The following RYR2 variants were observed in gnomAD, a reference collection of about 807,000 sequenced individuals.
The protein encoded by RYR2 is ryanodine receptor 2.
RYR2 carries 227 observed loss-of-function variants against 601.1 expected under a neutral mutation model. The ratio of observed to expected loss-of-function variants is 0.38; its 90% confidence interval spans 0.34 to 0.42. The LOEUF (loss-of-function observed/expected upper bound fraction) is 0.42. Among genes scored for constraint, RYR2 ranks in the 10% least tolerant of loss-of-function variants. RYR2 has a pLI of 1.00. For missense variants in RYR2, 4,646 were observed against 6,156.5 expected, an observed-to-expected ratio of 0.75 and a Z score of 8.21; for synonymous variants, 2,223 against 2,175.1, an observed-to-expected ratio of 1.02 and a Z score of -0.61.
chr1:237,688,473 G>A (rs1481617729), intron 63 of RYR2, among the ~76,000 whole-genome samples: 4 of 151,870 alleles, frequency 2.6e-5, no homozygotes, highest in African/African-American at 7.3e-5. Context: ...TACACTTTTT[G>A]AGAAATAATA....
intron 29 of RYR2, among the ~76,000 whole-genome samples, chr1:237,587,748 A>G (rs532564918): frequency 6.6e-6 from 1 of 152,360 alleles, no homozygotes; most frequent in Non-Finnish European, 1.5e-5. Context: ...ATTTTAAATG[A>G]AAGTATTTCA....
intron 97 of RYR2, among the ~76,000 whole-genome samples, chr1:237,801,054 C>T (rs1284929887): frequency 1.4e-5 from 2 of 144,188 alleles, no homozygotes; most frequent in East Asian, 2.2e-4. Flanking sequence ...AAAAACAAAA[C>T]AATTTAAAAG....
rs1664560589 is a variant in RYR2 at position 237,500,863 on chromosome 1, G to A, written c.2356G>A (p.Gly786Ser). 1 of 1,613,870 alleles carries A rather than the reference G, an allele frequency of 6.2e-7. No homozygotes were observed. Among genetic ancestry groups the A allele is most frequent in the Non-Finnish European group, 8.5e-7 (1 of 1,179,896 alleles). Reference sequence around the variant, plus strand: ...AATGTTTGAGAATTTCAACATCGATGGCCTCTTCTTTCCAGTCGTTAGTTT... The same window carrying A: ...AATGTTTGAGAATTTCAACATCGATAGCCTCTTCTTTCCAGTCGTTAGTTT... Reference protein sequence around the residue: ...QGMFENFNIDGLFFPVVSFSA... With the variant: ...QGMFENFNIDSLFFPVVSFSA... The change falls in exon 21 of 105, where the codon GGC becomes AGC. Residue 786 changes from glycine (G) to serine (S), a missense_variant. Physicochemically the swap from Gly to Ser is moderately conservative, Grantham distance 56. Transcript: ENST00000366574.
chr1:237,445,394 C>T lies in RYR2; in HGVS notation c.1171-7C>T, dbSNP rs1354620255. 6.2e-7 allele frequency: 1 copy of T among 1,612,014 alleles called. No individual in the cohort carries two copies. The highest frequency in any genetic ancestry group is 1.1e-5 in the South Asian group (1 of 90,654). ...GGAGTAATGGCCTTATTTTTGCTTT[C>T]TTACAGGCTATTATGCATCATGAAG... is the stretch of plus-strand genomic sequence containing the variant. On this transcript the variant is annotated splice_polypyrimidine_tract_variant and splice_region_variant and intron_variant, in intron 13 of 104. Transcript: ENST00000366574.
chr1:237,196,710 C>G (rs550298149), intron 1 of RYR2, among the ~76,000 whole-genome samples: 1 of 152,234 alleles, frequency 6.6e-6, no homozygotes, highest in South Asian at 2.1e-4. Context: ...GAGAAGTACT[C>G]TACCTTGCTT....
intron 27 of RYR2, among the ~76,000 whole-genome samples, chr1:237,564,726 T>C (rs1671795119): frequency 6.6e-6 from 1 of 152,232 alleles, no homozygotes; most frequent in Non-Finnish European, 1.5e-5. Flanking sequence ...TAGAAATGTT[T>C]CTCTGATTCA....
chr1:237,613,113 G>A (rs1410487511), intron 36 of RYR2, among the ~76,000 whole-genome samples: 1 of 152,142 alleles, frequency 6.6e-6, no homozygotes, highest in Non-Finnish European at 1.5e-5. Context: ...TTCCAAAAAA[G>A]GAAGTCTTAA....
At position 237,602,087 on chromosome 1, in the gene RYR2, C is replaced by T. The variant is rs767900430; in HGVS notation, c.4659C>T (p.Phe1553=). The T allele has an allele frequency of 1.2e-6, 2 of 1,612,740 alleles. No individual in the cohort carries two copies. Among genetic ancestry groups the T allele is most frequent in the Non-Finnish European group, 1.7e-6 (2 of 1,179,300 alleles). ...CACAAGCTACAAGTCCCAATGTTTT[C>T]CAGTTTGAGTTGGGAAGAATAAAGG... The part of the protein sequence containing the change: ...VFAQATSPNV[F]QFELGRIKNV... Residue 1553 remains phenylalanine (F), a synonymous_variant, in exon 35 of 105, where the codon TTC becomes TTT. Transcript: ENST00000366574.
At chr1:237,243,576 T>C (rs189867390) in intron 1 of RYR2, among the ~76,000 whole-genome samples, 1 of 152,248 alleles carries the variant, frequency 6.6e-6, no homozygotes, top group Admixed American at 6.5e-5. Context: ...CCAGGACTCT[T>C]GGGTTTTTAT....
chr1:237,048,061 G>A (rs780272665), intron 1 of RYR2, among the ~76,000 whole-genome samples: 2 of 152,032 alleles, frequency 1.3e-5, no homozygotes, highest in African/African-American at 4.8e-5. Context: ...CTTGCCTCTC[G>A]GACCCCAGAA....
At chr1:237,644,869 TAA>T (rs1185633698) in intron 48 of RYR2, among the ~76,000 whole-genome samples, 1 of 151,850 alleles carries the variant, frequency 6.6e-6, no homozygotes, top group Non-Finnish European at 1.5e-5. Flanking sequence ...CCATCTCTAC[TAA>T]AAATACAAAA....
At chr1:237,269,971 A>G (rs1045718240) in intron 1 of RYR2, among the ~76,000 whole-genome samples, 1 of 152,164 alleles carries the variant, frequency 6.6e-6, no homozygotes, top group Non-Finnish European at 1.5e-5. Context: ...TTCTGATATG[A>G]TCAAGCAACT....
chr1:237,723,984 TTATC>T (rs972830592), intron 74 of RYR2, among the ~76,000 whole-genome samples: 6 of 151,818 alleles, frequency 4.0e-5, no homozygotes, highest in African/African-American at 1.5e-4. Context: ...CAGAGATATA[TTATC>T]TATTTCTCAT....
intron 3 of RYR2, among the ~76,000 whole-genome samples, chr1:237,353,865 T>C (rs1242356359): frequency 6.6e-6 from 1 of 152,190 alleles, no homozygotes. Context: ...TCTTATATGT[T>C]TTATGGGTTT....
At chr1:237,117,671 CCTTCTCTTCTCTTCTCTTCTCTTCT>C (rs60631152) in intron 1 of RYR2, among the ~76,000 whole-genome samples, 4,066 of 64,492 alleles carry the variant, frequency 0.063, 129 homozygotes, top group East Asian at 0.092. Context: ...CTCTTCTCTT[CCTTCTCTTCTCTTCTCTTCTCTTCT>C]CTTCTCTTCT....
At chr1:237,579,974 T>C (rs1673710506) in intron 29 of RYR2, among the ~76,000 whole-genome samples, 1 of 151,548 alleles carries the variant, frequency 6.6e-6, no homozygotes. Flanking sequence ...ATATCTGATT[T>C]ACCCAGCATA....
At chr1:237,605,332 T>A (rs1676997188) in intron 35 of RYR2, among the ~76,000 whole-genome samples, 1 of 152,172 alleles carries the variant, frequency 6.6e-6, no homozygotes, top group African/African-American at 2.4e-5. Context: ...CACATGATTA[T>A]CTCAACAGAT....
intron 2 of RYR2, among the ~76,000 whole-genome samples, chr1:237,320,738 C>T (rs1695548866): frequency 1.3e-5 from 2 of 152,162 alleles, no homozygotes; most frequent in Admixed American, 1.3e-4. Context: ...AAAGGAAAGC[C>T]CTCTGTATTT....
chr1:237,232,099 C>A (rs894543775), intron 1 of RYR2, among the ~76,000 whole-genome samples: 1 of 152,178 alleles, frequency 6.6e-6, no homozygotes, highest in Non-Finnish European at 1.5e-5. Context: ...TGTTCAATCT[C>A]TTTTTCTGGT....
Sources: gnomAD v4.1 joint callset for allele counts (sites outside exome capture counted in the v4.1 genomes callset) on GRCh38, gnomAD v4.1.1 for gene constraint, MANE v1.5 for transcripts, NCBI Gene and HGNC (gene_info 2026-07-23, HGNC 2026-07-21) for gene names.